The following TTC29 variants were observed in gnomAD, a reference collection of about 807,000 sequenced individuals.
The protein encoded by TTC29 is tetratricopeptide repeat domain 29, also known as tetratricopeptide repeat protein 29.
In TTC29, 49 loss-of-function variants were observed where a neutral mutation model predicts 58.1. The ratio of observed to expected loss-of-function variants is 0.84; its 90% CI spans 0.67 to 1.07. TTC29 has a LOEUF of 1.07. TTC29 is among the 50% of genes least tolerant of loss of function. The pLI, the probability that TTC29 is intolerant of heterozygous loss-of-function variation, is 0.00. For missense variants in TTC29, 582 were observed against 555.6 expected (o/e 1.05, Z -0.48); for synonymous variants, 209 against 196.8 (o/e 1.06, Z -0.52).
chr4:146,850,110 G>A (rs1357491977), intron 8 of TTC29, among the ~76,000 whole-genome samples: 1 of 152,188 alleles, frequency 6.6e-6, no homozygotes, highest in Non-Finnish European at 1.5e-5. Flanking sequence ...GGACAAAGAT[G>A]TCTGTCTGCA....
At chr4:146,737,156 G>C (rs750071408) in intron 11 of TTC29, among the ~76,000 whole-genome samples, 1 of 152,128 alleles carries the variant, frequency 6.6e-6, no homozygotes, top group Non-Finnish European at 1.5e-5. Flanking sequence ...GGTTTTTACT[G>C]GGCAGTGACC....
chr4:146,829,940 T>C (rs934202154), intron 9 of TTC29, among the ~76,000 whole-genome samples: 11 of 152,260 alleles, frequency 7.2e-5, no homozygotes, highest in Non-Finnish European at 1.5e-4. Flanking sequence ...GAACTACACT[T>C]CAGTAAATGA....
intron 11 of TTC29, 44 bp downstream of exon 11, chr4:146,803,413 A>G (rs1311836522): frequency 1.6e-6 from 2 of 1,281,406 alleles, no homozygotes; most frequent in Non-Finnish European, 2.2e-6. Flanking sequence ...TTAATCATTG[A>G]GAATGATATG....
chr4:146,853,156 A>G (rs1433582274), intron 8 of TTC29, among the ~76,000 whole-genome samples: 1 of 152,036 alleles, frequency 6.6e-6, no homozygotes, highest in Non-Finnish European at 1.5e-5. Flanking sequence ...TTTTTCTTTT[A>G]TTTTTTATTA....
intron 8 of TTC29, among the ~76,000 whole-genome samples, chr4:146,858,361 C>G (rs111568069): frequency 0.011 from 1,708 of 152,284 alleles, 27 homozygotes; most frequent in African/African-American, 0.037. Context: ...ACATCCAAAC[C>G]TACAGCCATT....
intron 11 of TTC29, among the ~76,000 whole-genome samples, chr4:146,716,084 A>G (rs1403701404): frequency 6.6e-6 from 1 of 152,194 alleles, no homozygotes; most frequent in Admixed American, 6.5e-5. Flanking sequence ...TGAAAAATCA[A>G]CATCTCTCGA....
intron 6 of TTC29, among the ~76,000 whole-genome samples, chr4:146,877,646 T>C (rs1007483042): frequency 6.6e-6 from 1 of 152,066 alleles, no homozygotes; most frequent in African/African-American, 2.4e-5. Context: ...TATAGCACTG[T>C]AGCCCTGGAA....
intron 5 of TTC29, among the ~76,000 whole-genome samples, chr4:146,905,101 G>A (rs886324563): frequency 4.3e-4 from 66 of 152,302 alleles, no homozygotes; most frequent in African/African-American, 1.5e-3. Context: ...CAGCTCAGGT[G>A]AAAAGTAGCG....
intron 11 of TTC29, among the ~76,000 whole-genome samples, chr4:146,755,361 G>C (rs1424332130): frequency 6.6e-6 from 1 of 152,024 alleles, no homozygotes; most frequent in Non-Finnish European, 1.5e-5. Flanking sequence ...CACTGAAATA[G>C]GAAAAACAAT....
chr4:146,804,928 C>A (rs1459487567), intron 10 of TTC29, among the ~76,000 whole-genome samples: 3 of 152,200 alleles, frequency 2.0e-5, no homozygotes, highest in Non-Finnish European at 4.4e-5. Flanking sequence ...GACCCCCATG[C>A]CTCCTGACTG....
chr4:146,940,027 TG>T, intron 2 of TTC29, 126 bp from the exon 3 acceptor site: 1 of 838,388 alleles, frequency 1.2e-6, no homozygotes, highest in Non-Finnish European at 1.7e-6. Flanking sequence ...GTGCTACAGC[TG>T]TGTTATTCGG....
intron 11 of TTC29, among the ~76,000 whole-genome samples, chr4:146,737,230 AT>A (rs984416729): frequency 2.6e-5 from 4 of 152,132 alleles, no homozygotes; most frequent in Admixed American, 6.5e-5. Flanking sequence ...AGAAATGCCT[AT>A]GTGGTGCATG....
chr4:146,778,226 T>G (rs1748259843), intron 11 of TTC29, among the ~76,000 whole-genome samples: 1 of 152,140 alleles, frequency 6.6e-6, no homozygotes, highest in Admixed American at 6.5e-5. Flanking sequence ...TTCATATACT[T>G]TATTTATTTT....
intron 6 of TTC29, among the ~76,000 whole-genome samples, chr4:146,902,492 C>A (rs1733218954): frequency 6.6e-6 from 1 of 152,188 alleles, no homozygotes; most frequent in Admixed American, 6.5e-5. Flanking sequence ...CTCCACACTT[C>A]CCACTGGACG....
chr4:146,719,869 G>A (rs925715883), intron 11 of TTC29, among the ~76,000 whole-genome samples: 9 of 152,040 alleles, frequency 5.9e-5, no homozygotes, highest in Non-Finnish European at 1.2e-4. Context: ...TGTTTTCATT[G>A]GAGCTCACTG....
chr4:146,718,606 A>G (rs1003002240), intron 11 of TTC29, among the ~76,000 whole-genome samples: 1 of 151,990 alleles, frequency 6.6e-6, no homozygotes, highest in Non-Finnish European at 1.5e-5. Context: ...TATGTTGGTT[A>G]TTAATCCCTT....
rs116586092 is a variant in TTC29 at position 146,777,698 on chromosome 4, C to A, written c.1330+25759G>T. On this transcript the variant is annotated intron_variant, in intron 11 of 12. Transcript: ENST00000325106. Reference sequence around the variant, plus strand: ...ATATGGTGCCTTTGAAATTTCATGCCGACTCTGGCATGACTAAAATTATAT... The same window carrying A: ...ATATGGTGCCTTTGAAATTTCATGCAGACTCTGGCATGACTAAAATTATAT... Among the ~76,000 whole-genome samples, 999 of 151,976 alleles carry A rather than the reference C, an allele frequency of 6.6e-3. 11 individuals are homozygous for A. Among genetic ancestry groups the A allele is most frequent in the African/African-American group, 0.022 (929 of 41,412 alleles).
At chr4:146,853,457 C>T (rs1219256096) in intron 8 of TTC29, among the ~76,000 whole-genome samples, 2 of 151,984 alleles carry the variant, frequency 1.3e-5, no homozygotes, top group Non-Finnish European at 2.9e-5. Flanking sequence ...TTATTGGCTG[C>T]ATTGTATTTC....
At chr4:146,811,626 A>G (rs1167515943) in intron 10 of TTC29, among the ~76,000 whole-genome samples, 2 of 152,210 alleles carry the variant, frequency 1.3e-5, no homozygotes, top group African/African-American at 4.8e-5. Context: ...GTCAGTTTCT[A>G]ATATTTTATG....
Sources: gnomAD v4.1 joint callset for allele counts (sites outside exome capture counted in the v4.1 genomes callset) on GRCh38, gnomAD v4.1.1 for gene constraint, MANE v1.5 for transcripts, NCBI Gene and HGNC (gene_info 2026-07-23, HGNC 2026-07-21) for gene names.